The following TMTC1 variants were observed in gnomAD, a reference collection of about 807,000 sequenced individuals.
TMTC1 encodes the protein transmembrane O-mannosyltransferase targeting cadherins 1.
Under a neutral mutation model 104.8 loss-of-function variants are expected in TMTC1, and 73 were observed. That is an observed-to-expected ratio of 0.70 (90% CI 0.58 to 0.85). The LOEUF is 0.85. TMTC1 is among the 40% of genes least tolerant of loss of function. The pLI is 0.00. For missense variants in TMTC1, 1,035 were observed against 1,096.1 expected (o/e 0.94, Z 0.79); for synonymous variants, 434 against 428.7 (o/e 1.01, Z -0.15).
intron 5 of TMTC1, among the ~76,000 whole-genome samples, chr12:29,690,279 T>G (rs1016270798): frequency 6.6e-6 from 1 of 152,218 alleles, no homozygotes; most frequent in Admixed American, 6.5e-5. Context: ...AACATATTGC[T>G]TTCCTTATGA....
intron 5 of TMTC1, among the ~76,000 whole-genome samples, chr12:29,738,743 T>C (rs1265924089): frequency 1.3e-5 from 2 of 152,186 alleles, no homozygotes; most frequent in Non-Finnish European, 2.9e-5. Flanking sequence ...CCTGTGAAGT[T>C]TCCATTATTT....
At chr12:29,720,590 T>C (rs1221053149) in intron 5 of TMTC1, among the ~76,000 whole-genome samples, 2 of 151,910 alleles carry the variant, frequency 1.3e-5, no homozygotes, top group Non-Finnish European at 2.9e-5. Flanking sequence ...AAAGTGAAAT[T>C]AGACTTAATT....
At chr12:29,592,506 G>A (rs16934564) in intron 7 of TMTC1, among the ~76,000 whole-genome samples, 4,716 of 152,140 alleles carry the variant, frequency 0.031, 198 homozygotes, top group African/African-American at 0.09. Flanking sequence ...GCATGTCTAC[G>A]GCACAATTGG....
At chr12:29,680,451 G>C (rs967599324) in intron 5 of TMTC1, among the ~76,000 whole-genome samples, 1 of 152,158 alleles carries the variant, frequency 6.6e-6, no homozygotes, top group African/African-American at 2.4e-5. Flanking sequence ...GGGAGAGTTA[G>C]AAAAGAATTA....
chr12:29,756,372 T>A (rs1943216715), intron 3 of TMTC1, among the ~76,000 whole-genome samples: 1 of 152,170 alleles, frequency 6.6e-6, no homozygotes, highest in African/African-American at 2.4e-5. Context: ...TTGTCACACA[T>A]CAAGTGTGTA....
At chr12:29,536,581 C>T (rs1944651255) in intron 10 of TMTC1, among the ~76,000 whole-genome samples, 3 of 152,142 alleles carry the variant, frequency 2.0e-5, no homozygotes. Context: ...CTGCTGTGCA[C>T]TCTTCGAGAG....
At chr12:29,759,271 G>T (rs547907175) in intron 2 of TMTC1, among the ~76,000 whole-genome samples, 1 of 152,102 alleles carries the variant, frequency 6.6e-6, no homozygotes, top group Non-Finnish European at 1.5e-5. Flanking sequence ...CGAGGCTGGC[G>T]GAACACTTGA....
intron 5 of TMTC1, among the ~76,000 whole-genome samples, chr12:29,740,878 C>T (rs1004606453): frequency 1.3e-5 from 2 of 152,122 alleles, no homozygotes; most frequent in Non-Finnish European, 2.9e-5. Context: ...ATGTTTTGAC[C>T]TTGCCAGTTC....
intron 5 of TMTC1, among the ~76,000 whole-genome samples, chr12:29,719,983 T>C: frequency 6.6e-6 from 1 of 152,202 alleles, no homozygotes; most frequent in East Asian, 1.9e-4. Flanking sequence ...TATTGACAGC[T>C]TAGTGAGTGA....
intron 9 of TMTC1, among the ~76,000 whole-genome samples, chr12:29,564,558 C>T (rs1945458191): frequency 6.6e-6 from 1 of 152,082 alleles, no homozygotes; most frequent in Non-Finnish European, 1.5e-5. Context: ...TAATTTGATG[C>T]CCAAGCATGG....
intron 7 of TMTC1, among the ~76,000 whole-genome samples, chr12:29,584,953 C>T (rs1338947134): frequency 6.7e-6 from 1 of 150,192 alleles, no homozygotes; most frequent in Admixed American, 6.6e-5. Context: ...GGGTATATAC[C>T]CAGTAATGGG....
At chr12:29,782,482 G>A (rs1943857119) in intron 1 of TMTC1, among the ~76,000 whole-genome samples, 1 of 152,090 alleles carries the variant, frequency 6.6e-6, no homozygotes, top group Non-Finnish European at 1.5e-5. Context: ...TTAAAACGCC[G>A]ATAATAGCGC....
At chr12:29,688,055 G>A (rs959025798) in intron 5 of TMTC1, among the ~76,000 whole-genome samples, 2 of 152,112 alleles carry the variant, frequency 1.3e-5, no homozygotes, top group African/African-American at 4.8e-5. Context: ...AAACATTTAG[G>A]AGGAAAGGGG....
At chr12:29,685,288 A>AT (rs1362839309) in intron 5 of TMTC1, among the ~76,000 whole-genome samples, 1 of 151,704 alleles carries the variant, frequency 6.6e-6, no homozygotes, top group Non-Finnish European at 1.5e-5. Context: ...TATCCTATTT[A>AT]TTTTTACATA....
At chr12:29,581,496 G>A (rs1945979153) in intron 8 of TMTC1, among the ~76,000 whole-genome samples, 1 of 152,124 alleles carries the variant, frequency 6.6e-6, no homozygotes, top group South Asian at 2.1e-4. Flanking sequence ...TTGATGTGAA[G>A]ATACTACATA....
At chr12:29,726,675 T>G (rs1230090184) in intron 5 of TMTC1, among the ~76,000 whole-genome samples, 1 of 152,180 alleles carries the variant, frequency 6.6e-6, no homozygotes, top group African/African-American at 2.4e-5. Context: ...TTGCATCCCT[T>G]ACCCTTTAAC....
intron 5 of TMTC1, among the ~76,000 whole-genome samples, chr12:29,730,534 A>G (rs898270452): frequency 6.6e-6 from 1 of 152,186 alleles, no homozygotes; most frequent in Admixed American, 6.5e-5. Context: ...TCCTTCTCCA[A>G]AAGTCAGATT....
chr12:29,584,483 G>C (rs1946071879), intron 7 of TMTC1, among the ~76,000 whole-genome samples: 1 of 150,976 alleles, frequency 6.6e-6, no homozygotes, highest in Non-Finnish European at 1.5e-5. Context: ...GGGTACATGT[G>C]CACAATGTGC....
intron 10 of TMTC1, among the ~76,000 whole-genome samples, chr12:29,546,529 G>T (rs1162239236): frequency 6.6e-6 from 1 of 152,036 alleles, no homozygotes; most frequent in African/African-American, 2.4e-5. Flanking sequence ...TCCTCTTTCT[G>T]TCCTTCCTAT....
Sources: gnomAD v4.1 joint callset for allele counts (sites outside exome capture counted in the v4.1 genomes callset) on GRCh38, gnomAD v4.1.1 for gene constraint, MANE v1.5 for transcripts, NCBI Gene and HGNC (gene_info 2026-07-23, HGNC 2026-07-21) for gene names.